The following WDFY1 variants were observed in gnomAD, a reference collection of about 807,000 sequenced individuals.
The protein encoded by WDFY1 is WD repeat and FYVE domain-containing protein 1.
WDFY1 carries 32 observed loss-of-function variants against 56.4 expected under a neutral mutation model. The observed-to-expected ratio is 0.57, with a 90% CI of 0.43 to 0.76. The LOEUF (loss-of-function observed/expected upper bound fraction) is 0.76. Among genes scored for constraint, WDFY1 ranks in the 30% least tolerant of loss-of-function variants. WDFY1 has a pLI of 0.00. For missense variants in WDFY1, 480 were observed against 545.7 expected, an observed-to-expected ratio of 0.88 and a Z score of 1.20; for synonymous variants, 192 against 197.3, an observed-to-expected ratio of 0.97 and a Z score of 0.23.
Position 223,880,138 on chromosome 2 carries a change from C to G in WDFY1, c.1159G>C (p.Asp387His). The G allele has an allele frequency of 6.2e-7, 1 of 1,613,884 alleles. No homozygotes were observed. Among genetic ancestry groups the G allele is most frequent in the Non-Finnish European group, 8.5e-7 (1 of 1,179,850 alleles). ...ARGLMVTCGTDRIVKIWDMTP... is the reference protein window; with the variant it reads ...ARGLMVTCGTHRIVKIWDMTP... ...AGCCAGCTTACCTTTACAATGCGGT[C>G]GGTCCCACAGGTCACCATCAGTCCC... The change falls in exon 11 of 12, where the codon GAC becomes CAC. Residue 387 changes from aspartate (D) to histidine (H), a missense_variant. By Grantham distance (81) the Asp-to-His change is moderately conservative. Transcript: ENST00000233055.
chr2:223,901,473 G>T, intron 4 of WDFY1, 140 bp from the exon 5 acceptor site: 2 of 1,029,826 alleles, frequency 1.9e-6, no homozygotes, highest in Non-Finnish European at 2.7e-6. Flanking sequence ...TCCTCTGTGA[G>T]TATATTTCAG....
chr2:223,920,534 GA>G (rs1488394314), intron 1 of WDFY1, among the ~76,000 whole-genome samples: 1 of 152,244 alleles, frequency 6.6e-6, no homozygotes, highest in Admixed American at 6.5e-5. Flanking sequence ...CCCAAGAGAA[GA>G]ACAGGGTGGA....
chr2:223,941,609 C>G (rs1312639086), intron 1 of WDFY1, among the ~76,000 whole-genome samples: 1 of 152,168 alleles, frequency 6.6e-6, no homozygotes, highest in Non-Finnish European at 1.5e-5. Flanking sequence ...CATCTCTTCA[C>G]TAGACTGTTC....
At chr2:223,884,791 A>G (rs1693143340) in intron 8 of WDFY1, 42 bp from the exon 9 acceptor site, 3 of 1,540,778 alleles carry the variant, frequency 1.9e-6, no homozygotes, top group Admixed American at 1.7e-5. Context: ...GTGTGTCTAT[A>G]TTTACTCCCA....
chr2:223,893,246 G>A (rs887889276), intron 8 of WDFY1, among the ~76,000 whole-genome samples: 1 of 151,882 alleles, frequency 6.6e-6, no homozygotes, highest in African/African-American at 2.4e-5. Context: ...AATGTACACA[G>A]TGCCTCATGC....
At position 223,895,651 on chromosome 2, in the gene WDFY1, G is replaced by C. The variant is rs763782801; in HGVS notation, c.599-21C>G. Reference sequence around the variant, plus strand: ...ACTACCTAGGGATTTGTGAGAGAGAGAGAGAGAGGGAGGCAGGGGAGAAGT... The same window carrying C: ...ACTACCTAGGGATTTGTGAGAGAGACAGAGAGAGGGAGGCAGGGGAGAAGT... On this transcript the variant is annotated intron_variant, in intron 6 of 11. Coordinates refer to ENST00000233055, the MANE Select transcript of WDFY1 (RefSeq NM_020830.5). The C allele has an allele frequency of 6.2e-6, 10 of 1,613,306 alleles. No homozygotes were observed. The African/African-American group carries it at 1.2e-4, about 19-fold the overall frequency.
At chr2:223,896,624 T>A (rs1024705499) in intron 6 of WDFY1, among the ~76,000 whole-genome samples, 2 of 152,216 alleles carry the variant, frequency 1.3e-5, no homozygotes, top group African/African-American at 4.8e-5. Flanking sequence ...AGAAGAAACA[T>A]TAATCAACTT....
chr2:223,889,036 T>C (rs1371829167), intron 8 of WDFY1, among the ~76,000 whole-genome samples: 1 of 151,508 alleles, frequency 6.6e-6, no homozygotes, highest in African/African-American at 2.4e-5. Flanking sequence ...CCCAAGTAGC[T>C]GAGATTACAG....
chr2:223,942,527 C>CTTTTTTTTTTTT (rs57223015), intron 1 of WDFY1, among the ~76,000 whole-genome samples: 11,465 of 72,958 alleles, frequency 0.16, 1,862 homozygotes, highest in Non-Finnish European at 0.2. Context: ...CAAAGGCTAA[C>CTTTTTTTTTTTT]TTTTTTTTTT....
chr2:223,883,139 C>T (rs1693104847), intron 9 of WDFY1, among the ~76,000 whole-genome samples: 1 of 152,192 alleles, frequency 6.6e-6, no homozygotes, highest in Non-Finnish European at 1.5e-5. Flanking sequence ...TCCACATTGG[C>T]CTCCCAAAAT....
intron 1 of WDFY1, among the ~76,000 whole-genome samples, chr2:223,928,118 C>A (rs1014273915): frequency 6.6e-6 from 1 of 152,042 alleles, no homozygotes; most frequent in Non-Finnish European, 1.5e-5. Flanking sequence ...ACACAGACCA[C>A]CACAACAGAT....
intron 7 of WDFY1, among the ~76,000 whole-genome samples, chr2:223,895,286 G>GT (rs1033136205): frequency 1.3e-5 from 2 of 151,342 alleles, no homozygotes; most frequent in Non-Finnish European, 2.9e-5. Context: ...CCCTGCATTT[G>GT]TTTTTTTGTT....
At chr2:223,918,530 C>T (rs1157757763) in intron 1 of WDFY1, among the ~76,000 whole-genome samples, 1 of 151,820 alleles carries the variant, frequency 6.6e-6, no homozygotes, top group Admixed American at 6.6e-5. Flanking sequence ...ACTCAGGAGC[C>T]TGAGGCAGAA....
intron 11 of WDFY1, among the ~76,000 whole-genome samples, chr2:223,878,989 G>T (rs1056368467): frequency 2.0e-5 from 3 of 152,202 alleles, no homozygotes; most frequent in Non-Finnish European, 4.4e-5. Flanking sequence ...TTCAAGACCA[G>T]CCTGGCCAAC....
chr2:223,914,008 T>A (rs1015762879), intron 2 of WDFY1, among the ~76,000 whole-genome samples: 3 of 141,754 alleles, frequency 2.1e-5, no homozygotes, highest in African/African-American at 8.0e-5. Flanking sequence ...TTTTTTTTTT[T>A]TTTTTTTTGA....
intron 3 of WDFY1, among the ~76,000 whole-genome samples, chr2:223,908,731 T>C (rs1247690936): frequency 6.6e-6 from 1 of 152,116 alleles, no homozygotes; most frequent in Admixed American, 6.5e-5. Context: ...GACCAAACCC[T>C]GAGGTTCCAG....
At chr2:223,904,171 A>G (rs548230737) in intron 4 of WDFY1, among the ~76,000 whole-genome samples, 2 of 152,352 alleles carry the variant, frequency 1.3e-5, no homozygotes, top group South Asian at 4.1e-4. Flanking sequence ...GTTATCATTC[A>G]TTGTTACAAA....
chr2:223,880,068 C>A, intron 11 of WDFY1, 56 bp downstream of exon 11: 1 of 1,442,786 alleles, frequency 6.9e-7, no homozygotes, highest in Non-Finnish European at 9.7e-7. Context: ...TGCACATTCA[C>A]AGCATGGTAA....
Position 223,886,167 on chromosome 2 carries a change from C to T in WDFY1, c.832-1418G>A, listed in dbSNP as rs557583578. ...AAGCCTGGCCAACACGGTGAAACCC[C>T]GTCTTTATTAAAAATACAAAAATTA... is the stretch of plus-strand genomic sequence containing the variant. On this transcript the variant is annotated intron_variant, in intron 8 of 11. Transcript: ENST00000233055. Among the ~76,000 whole-genome samples the T allele has an allele frequency of 1.2e-4, 18 of 150,784 alleles. 1 individual carries two copies. In the East Asian group the frequency reaches 2.6e-3, roughly 22 times the overall value.
Sources: gnomAD v4.1 joint callset for allele counts (sites outside exome capture counted in the v4.1 genomes callset) on GRCh38, gnomAD v4.1.1 for gene constraint, MANE v1.5 for transcripts, NCBI Gene and HGNC (gene_info 2026-07-23, HGNC 2026-07-21) for gene names.